ARLN: variants seen among roughly 807,000 people sequenced by gnomAD.
The protein encoded by ARLN is allregulin.
chr4:119,300,805 A>C, the ARLN span: 5 of 1,442,438 alleles, frequency 3.5e-6, no homozygotes, highest in African/African-American at 4.3e-5. Context: ...GCGGCGTCCC[A>C]GGCAGATAGC....
chr4:119,300,408 G>C, the ARLN span: 1 of 1,613,802 alleles, frequency 6.2e-7, no homozygotes, highest in South Asian at 1.1e-5. Flanking sequence ...CAACCAGTAG[G>C]AGTGTTTGGG....
chr4:119,303,622 A>C, the ARLN span, among the ~76,000 whole-genome samples: 2 of 152,096 alleles, frequency 1.3e-5, no homozygotes, highest in East Asian at 3.9e-4. Flanking sequence ...TGTTGTTCAC[A>C]CCTGTAATCC....
the ARLN span, among the ~76,000 whole-genome samples, chr4:119,303,308 A>G: frequency 7.0e-6 from 1 of 142,030 alleles, no homozygotes; most frequent in Admixed American, 7.7e-5. Flanking sequence ...ATCTTGGCTC[A>G]CTGCAACCTC....
chr4:119,300,568 A>C, the ARLN span: 2 of 1,614,016 alleles, frequency 1.2e-6, no homozygotes, highest in Non-Finnish European at 1.7e-6. Context: ...AACCCTAGAA[A>C]CCGAAAATGC....
At chr4:119,298,344 T>C in the ARLN span, 1 of 153,148 alleles carries the variant, frequency 6.5e-6, no homozygotes, top group African/African-American at 2.4e-5. Flanking sequence ...TCTCAAAATC[T>C]TTCCCTGCTT....
chr4:119,300,589 G>A, the ARLN span: 7 of 1,612,984 alleles, frequency 4.3e-6, no homozygotes, highest in African/African-American at 4.0e-5. Context: ...TTAAGTTCCC[G>A]GACTTTGGTG....
the ARLN span, among the ~76,000 whole-genome samples, chr4:119,298,986 CAGGG>C: frequency 9.2e-5 from 14 of 152,156 alleles, no homozygotes; most frequent in Admixed American, 3.9e-4. Context: ...TCTACCAAAA[CAGGG>C]AGGGAGAGTA....
the ARLN span, chr4:119,300,202 C>G: frequency 2.8e-6 from 2 of 726,748 alleles, no homozygotes; most frequent in East Asian, 2.5e-5. Flanking sequence ...CCCACCCACC[C>G]GACTGCGCCA....
chr4:119,300,591 A>G, the ARLN span: 4 of 1,613,046 alleles, frequency 2.5e-6, no homozygotes, highest in East Asian at 8.9e-5. Context: ...AAGTTCCCGG[A>G]CTTTGGTGTT....
At chr4:119,303,792 G>A in the ARLN span, among the ~76,000 whole-genome samples, 2 of 152,214 alleles carry the variant, frequency 1.3e-5, no homozygotes, top group Non-Finnish European at 2.9e-5. Context: ...GCTGAATTGG[G>A]AGGATCACTT....
At chr4:119,302,584 G>A in the ARLN span, among the ~76,000 whole-genome samples, 1 of 152,172 alleles carries the variant, frequency 6.6e-6, no homozygotes, top group Non-Finnish European at 1.5e-5. Flanking sequence ...AAAAAGTACT[G>A]TACTGAAATC....
chr4:119,300,890 C>T, the ARLN span: 2 of 1,241,558 alleles, frequency 1.6e-6, no homozygotes, highest in Non-Finnish European at 2.2e-6. Flanking sequence ...GTGATGGACT[C>T]CTCCCTGAAA....
the ARLN span, chr4:119,296,558 C>T: frequency 6.6e-6 from 1 of 152,174 alleles, no homozygotes; most frequent in Non-Finnish European, 1.5e-5. Flanking sequence ...GTCTGAGAAC[C>T]AGGGGCCCTG....
the ARLN span, among the ~76,000 whole-genome samples, chr4:119,299,885 C>G: frequency 1.3e-5 from 2 of 152,124 alleles, no homozygotes; most frequent in Non-Finnish European, 2.9e-5. Flanking sequence ...CATGGTTAAA[C>G]AGCTGTATAG....
At chr4:119,298,771 C>G in the ARLN span, 4 of 774,894 alleles carry the variant, frequency 5.2e-6, no homozygotes, top group Admixed American at 1.7e-5. Flanking sequence ...TAGATATCAG[C>G]GAACAAGTCT....
the ARLN span, chr4:119,300,621 C>A: frequency 6.3e-7 from 1 of 1,596,210 alleles, no homozygotes; most frequent in South Asian, 1.1e-5. Flanking sequence ...GGAAACTGAG[C>A]GGAGTCCGGC....
chr4:119,299,454 A>G, the ARLN span, among the ~76,000 whole-genome samples: 3 of 152,240 alleles, frequency 2.0e-5, no homozygotes, highest in East Asian at 5.8e-4. Context: ...TCCAAAGTCC[A>G]GGAGAGCTGT....
At chr4:119,300,571 G>A in the ARLN span, 1 of 1,613,914 alleles carries the variant, frequency 6.2e-7, no homozygotes, top group African/African-American at 1.3e-5. Context: ...CCTAGAAACC[G>A]AAAATGCTTA....
At chr4:119,300,264 C>T in the ARLN span, 1 of 1,259,544 alleles carries the variant, frequency 7.9e-7, no homozygotes, top group Non-Finnish European at 1.1e-6. Context: ...AATTCAGTCC[C>T]CTCCCCGCCC....
Sources: gnomAD v4.1 joint callset for allele counts (sites outside exome capture counted in the v4.1 genomes callset) on GRCh38, gnomAD v4.1.1 for gene constraint, MANE v1.5 for transcripts, NCBI Gene and HGNC (gene_info 2026-07-23, HGNC 2026-07-21) for gene names.